NLRP6: variants seen among roughly 807,000 people sequenced by gnomAD.
NLRP6 encodes the protein NACHT, LRR and PYD domains-containing protein 6.
In NLRP6, 55 loss-of-function variants were observed where a neutral mutation model predicts 70.9. That is an observed-to-expected ratio of 0.78 (90% CI 0.62 to 0.97). The LOEUF (loss-of-function observed/expected upper bound fraction) is 0.97. Ranked by LOEUF, NLRP6 falls within the 50% of genes least tolerant of loss-of-function variation. NLRP6 has a pLI of 0.00. For missense variants in NLRP6, 1,241 were observed against 1,238.3 expected (o/e 1.00, Z -0.03); for synonymous variants, 652 against 581.9 (o/e 1.12, Z -1.73).
Position 281,824 on chromosome 11 carries a change from G to A in NLRP6, c.2090G>A (p.Ser697Asn). 2 of 1,579,902 alleles carry A rather than the reference G, an allele frequency of 1.3e-6. No homozygotes were observed. Among genetic ancestry groups the A allele is most frequent in the Non-Finnish European group, 1.7e-6 (2 of 1,167,130 alleles). Reference protein sequence around the residue: ...KKSLGKRLQASLGGGSSQGTT... With the variant: ...KKSLGKRLQANLGGGSSQGTT... ...AGCCTGGGGAAGCGGCTCCAGGCCA[G>A]CCTGGGTGGCGGCAGGTGCGTCTCC... Residue 697 changes from serine (S) to asparagine (N), a missense_variant, in exon 4 of 8, where the codon AGC becomes AAC. Transcript: ENST00000534750.
In NLRP6 at chr11:280,409, C is replaced by T. The variant is rs1845453156; in HGVS notation, c.675C>T (p.Tyr225=). Residue 225 remains tyrosine (Y), a synonymous_variant, in exon 4 of 8, where the codon TAC becomes TAT. Transcript: ENST00000534750. ...ILYDWAAGKL[Y]QGQVDFAFFM... ...ACGACTGGGCGGCGGGCAAGCTGTACCAGGGCCAGGTGGACTTCGCCTTCT... is the reference window on the plus strand; with the variant it reads ...ACGACTGGGCGGCGGGCAAGCTGTATCAGGGCCAGGTGGACTTCGCCTTCT... The T allele has an allele frequency of 1.3e-6, 2 of 1,583,744 alleles. No individual in the cohort carries two copies. The highest frequency in any genetic ancestry group is 1.7e-6 in the Non-Finnish European group (2 of 1,173,366).
intron 5 of NLRP6, among the ~76,000 whole-genome samples, chr11:283,420 T>A (rs1466709848): frequency 1.3e-5 from 2 of 151,052 alleles, no homozygotes; most frequent in Non-Finnish European, 3.0e-5. Context: ...TTCACGCCAT[T>A]CTCCTGCCTC....
At position 282,711 on chromosome 11, in the gene NLRP6, A is replaced by G; in HGVS notation, c.2112A>G (p.Gln704=). The change falls in exon 5 of 8, where the codon CAA becomes CAG. Residue 704 remains glutamine (Q), a synonymous_variant. Coordinates refer to ENST00000534750, the MANE Select transcript of NLRP6 (RefSeq NM_001276700.2). ...LQASLGGGSS[Q]GTTKQLPASL... Reference sequence around the variant, plus strand: ...TTCCTCTCTCTCCCAGCAGTTCTCAAGGCACCACAAAACAACTGCCAGCCT... The same window carrying G: ...TTCCTCTCTCTCCCAGCAGTTCTCAGGGCACCACAAAACAACTGCCAGCCT... 1 of 1,613,502 alleles carries G rather than the reference A, an allele frequency of 6.2e-7. No individual in the cohort carries two copies. Among genetic ancestry groups the G allele is most frequent in the Non-Finnish European group, 8.5e-7 (1 of 1,179,452 alleles).
chr11:281,852 G>T lies in NLRP6; in HGVS notation c.2105+13G>T. The T allele has an allele frequency of 6.4e-7, 1 of 1,557,450 alleles. No individual in the cohort carries two copies. The highest frequency in any genetic ancestry group is 8.6e-7 in the Non-Finnish European group (1 of 1,157,176). On this transcript the variant is annotated intron_variant, in intron 4 of 7. Transcript: ENST00000534750. ...TGGGTGGCGGCAGGTGCGTCTCCAG[G>T]GCAGAGATACTCTCTTGTGTGTGAG... is the stretch of plus-strand genomic sequence containing the variant.
Position 280,518 on chromosome 11 carries a change from G to C in NLRP6, c.784G>C (p.Ala262Pro). 1 of 1,569,854 alleles carries C rather than the reference G, an allele frequency of 6.4e-7. No individual in the cohort carries two copies. Among genetic ancestry groups the C allele is most frequent in the Non-Finnish European group, 8.6e-7 (1 of 1,169,292 alleles). ...LILDQCPDRG[A>P]PVPQMLAQPQ... ...CCTGGACCAGTGCCCCGACCGCGGC[G>C]CGCCGGTGCCGCAGATGCTGGCCCA... is the stretch of plus-strand genomic sequence containing the variant. The change falls in exon 4 of 8, where the codon GCG becomes CCG. Residue 262 changes from alanine to proline, a missense_variant. By Grantham distance (27) the Ala-to-Pro change is conservative (BLOSUM62 -1). Transcript: ENST00000534750.
Position 279,446 on chromosome 11 carries a change from G to T in NLRP6, c.149G>T (p.Ser50Ile). ...KLRDVGPDGR[S>I]IPWGRLERAD... ...CGCGACGTGGGCCCGGACGGACGCAGCATCCCGTGGGGGCGGCTGGAGCGC... is the reference window on the plus strand; with the variant it reads ...CGCGACGTGGGCCCGGACGGACGCATCATCCCGTGGGGGCGGCTGGAGCGC... The change falls in exon 2 of 8, where the codon AGC (serine) becomes ATC (isoleucine). Residue 50 changes from serine to isoleucine, a missense_variant. Ser to Ile is a moderately radical substitution (Grantham distance 142). Coordinates refer to ENST00000534750, the MANE Select transcript of NLRP6 (RefSeq NM_001276700.2). The T allele has an allele frequency of 7.2e-7, 1 of 1,396,160 alleles. No individual in the cohort carries two copies. 86.5% of individuals were successfully genotyped at this position (1,396,160 alleles called of 1,614,324 possible).
In NLRP6 at chr11:280,591, C is replaced by A; in HGVS notation, c.857C>A (p.Ala286Glu). The change falls in exon 4 of 8, where the codon GCG becomes GAG. Residue 286 changes from alanine (A) to glutamate (E), a missense_variant. Physicochemically the swap from Ala to Glu is moderately radical, Grantham distance 107 (BLOSUM62 -1). Transcript: ENST00000534750. ...CTGGACGGCGCGGACGAGCTGCCGG[C>A]GCTGGGGGGCCCCGAGGCCGCGCCC... ...FILDGADELP[A>E]LGGPEAAPCT... The A allele has an allele frequency of 6.9e-7, 1 of 1,447,958 alleles. No individual in the cohort carries two copies. Among genetic ancestry groups the A allele is most frequent in the Non-Finnish European group, 9.0e-7 (1 of 1,113,954 alleles). 89.7% of individuals were successfully genotyped at this position (1,447,958 alleles called of 1,614,324 possible). A position where few individuals can be genotyped will look rare whatever the true frequency, so the allele number is the denominator to read the frequency against.
At chr11:279,293 C>A in intron 1 of NLRP6, 34 bp from the exon 2 acceptor site, 1 of 1,258,960 alleles carries the variant, frequency 7.9e-7, no homozygotes, top group Non-Finnish European at 1.0e-6. Flanking sequence ...ACCCGAGGGC[C>A]GCTCCCCGAT....
intron 5 of NLRP6, among the ~76,000 whole-genome samples, chr11:283,717 A>T (rs548001379): frequency 1.1e-4 from 16 of 152,296 alleles, no homozygotes; most frequent in Non-Finnish European, 1.9e-4. Flanking sequence ...ATGGTGAAAC[A>T]GGTCCATCCT....
At position 284,354 on chromosome 11, in the gene NLRP6, C is replaced by T; in HGVS notation, c.2323C>T (p.Leu775=). The change falls in exon 6 of 8, where the codon CTG becomes TTG. Residue 775 remains leucine, a synonymous_variant. Transcript: ENST00000534750. ...NRLSEAGLRM[L]SEGLAWPQCR... is the part of the protein sequence containing the mutation. ...GCTCAGTGAGGCGGGACTGCGTATG[C>T]TGAGTGAGGGCCTAGCCTGGCCGCA... The T allele has an allele frequency of 1.2e-6, 2 of 1,608,296 alleles. No individual in the cohort carries two copies. The highest frequency in any genetic ancestry group is 8.5e-7 in the Non-Finnish European group (1 of 1,177,494).
chr11:284,770 C>A, intron 7 of NLRP6, 128 bp downstream of exon 7: 1 of 886,830 alleles, frequency 1.1e-6, no homozygotes, highest in Non-Finnish European at 1.7e-6. Context: ...TGACTGAGCT[C>A]AAACACTGAC....
In NLRP6 at chr11:279,360, G is replaced by A. The variant is rs1158315782; in HGVS notation, c.63G>A (p.Leu21=). ...TGPRLAVARE[L]LLAALEELSQ... is the part of the protein sequence containing the mutation. Reference sequence around the variant, plus strand: ...CGCGCCTCGCGGTGGCCCGCGAGCTGCTCCTGGCTGCGCTGGAGGAACTGA... The same window carrying A: ...CGCGCCTCGCGGTGGCCCGCGAGCTACTCCTGGCTGCGCTGGAGGAACTGA... The change falls in exon 2 of 8, where the codon CTG becomes CTA. Residue 21 remains leucine (L), a synonymous_variant. Coordinates refer to ENST00000534750, the MANE Select transcript of NLRP6 (RefSeq NM_001276700.2). 2 of 1,307,916 alleles carry A rather than the reference G, an allele frequency of 1.5e-6. No individual in the cohort carries two copies. The highest frequency in any genetic ancestry group is 2.9e-4 in the Middle Eastern group (1 of 3,434). 81.0% of individuals were successfully genotyped at this position (1,307,916 alleles called of 1,614,324 possible).
In NLRP6 at chr11:285,276, C is replaced by T; in HGVS notation, c.2648C>T (p.Pro883Leu). ...THPALDGHPQPPKELISTF is the reference protein window; with the variant it reads ...THPALDGHPQLPKELISTF ...CCAGCGCTGGACGGCCACCCACAAC[C>T]TCCCAAGGAACTCATCTCGACCTTC... Residue 883 changes from proline to leucine, a missense_variant, in exon 8 of 8, where the codon CCT (proline) becomes CTT (leucine). Coordinates refer to ENST00000534750, the MANE Select transcript of NLRP6 (RefSeq NM_001276700.2). The T allele has an allele frequency of 6.2e-7, 1 of 1,609,284 alleles. No individual in the cohort carries two copies. The highest frequency in any genetic ancestry group is 1.7e-5 in the Admixed American group (1 of 59,616).
intron 7 of NLRP6, 39 bp from the exon 8 acceptor site, chr11:285,127 C>T (rs1314131920): frequency 6.4e-7 from 1 of 1,555,636 alleles, no homozygotes; most frequent in Admixed American, 1.9e-5. Context: ...CTGCTTTCCC[C>T]CACCGCTGAC....
At chr11:283,640 C>T (rs754853024) in intron 5 of NLRP6, among the ~76,000 whole-genome samples, 13 of 152,086 alleles carry the variant, frequency 8.5e-5, no homozygotes, top group Non-Finnish European at 1.3e-4. Context: ...ATGGCAATAA[C>T]TTGCCAGTCA....
At chr11:279,128 C>A in intron 1 of NLRP6, 199 bp from the exon 2 acceptor site, 1 of 438,578 alleles carries the variant, frequency 2.3e-6, no homozygotes, top group Non-Finnish European at 3.8e-6. Flanking sequence ...GACGCCCCGA[C>A]CCGGGTCCGG....
chr11:281,738 T>C lies in NLRP6; in HGVS notation c.2004T>C (p.Ala668=). Residue 668 remains alanine, a synonymous_variant, in exon 4 of 8, where the codon GCT becomes GCC. Coordinates refer to ENST00000534750, the MANE Select transcript of NLRP6 (RefSeq NM_001276700.2). Reference sequence around the variant, plus strand: ...GCTACTGCGTGAGGTGCTGCCCTGCTGGACAGGCACTGCGGCTGATCAGCT... The same window carrying C: ...GCTACTGCGTGAGGTGCTGCCCTGCCGGACAGGCACTGCGGCTGATCAGCT... ...VLSYCVRCCP[A]GQALRLISCR... The C allele has an allele frequency of 6.2e-7, 1 of 1,612,882 alleles. No individual in the cohort carries two copies. The highest frequency in any genetic ancestry group is 1.7e-5 in the Admixed American group (1 of 60,024).
rs777333239 is a variant in NLRP6 at position 285,140 on chromosome 11, C to T, written c.2538-26C>T. The T allele has an allele frequency of 4.5e-5, 71 of 1,565,526 alleles. No homozygotes were observed. In the African/African-American group the frequency reaches 7.2e-4, roughly 16 times the overall value. On this transcript the variant is annotated intron_variant, in intron 7 of 7. Coordinates refer to ENST00000534750, the MANE Select transcript of NLRP6 (RefSeq NM_001276700.2). ...GGCTGCTTTCCCCCACCGCTGACCC[C>T]GCTTCTGCTCTGCGTGTGGCTGCAG...
chr11:285,380 G>A lies in NLRP6; in HGVS notation c.*76G>A, dbSNP rs572718606. 3.1e-4 allele frequency: 460 copies of A among 1,483,160 alleles called. No individual in the cohort carries two copies. The highest frequency in any genetic ancestry group is 4.0e-4 in the Non-Finnish European group (434 of 1,083,790). 91.9% of individuals were successfully genotyped at this position (1,483,160 alleles called of 1,614,324 possible). A position where few individuals can be genotyped will look rare whatever the true frequency, so the allele number is the denominator to read the frequency against. On this transcript the variant is annotated 3_prime_UTR_variant, in exon 8 of 8. Transcript: ENST00000534750. ...AGAGAACGGCCCATTCCAAGGGCAG[G>A]AGGATATTGCTCTCGGCCTTTGGGA...
Sources: allele counts gnomAD v4.1 joint callset (sites outside exome capture counted in the v4.1 genomes callset), GRCh38; gene constraint gnomAD v4.1.1; transcripts MANE v1.5; gene names NCBI Gene and HGNC (gene_info 2026-07-23, HGNC 2026-07-21).